Variants in IPO7 observed in about 807,000 individuals in gnomAD.
The protein encoded by IPO7 is importin-7.
A neutral mutation model predicts 136.4 loss-of-function variants in IPO7; 13 were observed. The ratio of observed to expected loss-of-function variants is 0.10; its 90% CI spans 0.06 to 0.15. The LOEUF (loss-of-function observed/expected upper bound fraction) is 0.15, where lower values mean the gene tolerates loss of function less well. Ranked by LOEUF, IPO7 falls within the 10% of genes least tolerant of loss-of-function variation. IPO7 has a pLI of 1.00. For missense variants in IPO7, 857 were observed against 1,240.6 expected, an observed-to-expected ratio of 0.69 and a Z score of 4.65; for synonymous variants, 403 against 404.4, an observed-to-expected ratio of 1.00 and a Z score of 0.04.
rs202038310 is a variant in IPO7 at position 9,438,045 on chromosome 11, GTTTTTTTTTTTT to G, written c.2490-14_2490-3del. On this transcript the variant is annotated intron_variant, in intron 21 of 24. Coordinates refer to ENST00000379719, the MANE Select transcript of IPO7 (RefSeq NM_006391.3). ...TCTGCTTATTTAAGAAAAGAAAACA[GTTTTTTTTTTTT>G]TTTTTTTTTTTTTTTTTTTTAGGCT... The G allele has an allele frequency of 4.7e-4, 517 of 1,092,198 alleles. 1 individual carries two copies. In the African/African-American group the frequency reaches 5.6e-3, roughly 12 times the overall value. The allele number at this position is 1,092,198 out of a possible 1,614,324, so 67.7% of individuals were successfully genotyped here.
At chr11:9,402,826 C>T (rs1229251781) in intron 1 of IPO7, 1 of 160,356 alleles carries the variant, frequency 6.2e-6, no homozygotes, top group Non-Finnish European at 1.3e-5. Flanking sequence ...GCACTCTCGC[C>T]TTGGGGGCGA....
At chr11:9,423,171 G>C (rs773198223) in intron 9 of IPO7, 31 bp downstream of exon 9, 1 of 1,426,618 alleles carries the variant, frequency 7.0e-7, no homozygotes, top group Non-Finnish European at 9.6e-7. Context: ...TGTTTTTATA[G>C]TAAATATAAT....
intron 24 of IPO7, among the ~76,000 whole-genome samples, chr11:9,443,987 A>G (rs1026057265): frequency 6.6e-6 from 1 of 151,472 alleles, no homozygotes; most frequent in South Asian, 2.1e-4. Context: ...TTAAAAGTAC[A>G]TTTTAAGCCA....
At chr11:9,386,295 T>TGG (rs1031395241) in intron 1 of IPO7, among the ~76,000 whole-genome samples, 29 of 152,182 alleles carry the variant, frequency 1.9e-4, no homozygotes, top group African/African-American at 6.8e-4. Flanking sequence ...AGAGTCACCT[T>TGG]GGGAGGAGCT....
intron 6 of IPO7, among the ~76,000 whole-genome samples, chr11:9,418,055 C>T (rs964369807): frequency 6.7e-6 from 1 of 150,342 alleles, no homozygotes; most frequent in African/African-American, 2.4e-5. Context: ...TTACAGATTA[C>T]TGAATACGCT....
chr11:9,428,858 A>T (rs781362168), intron 13 of IPO7, 173 bp from the exon 14 acceptor site: 2 of 794,632 alleles, frequency 2.5e-6, no homozygotes, highest in African/African-American at 3.4e-5. Context: ...CCACACAAAC[A>T]TCATGCGGCC....
chr11:9,394,239 A>G (rs910022325), intron 1 of IPO7, among the ~76,000 whole-genome samples: 5 of 152,144 alleles, frequency 3.3e-5, no homozygotes, highest in Non-Finnish European at 7.4e-5. Flanking sequence ...ATTTCTGATT[A>G]CAGTGTTAGT....
At chr11:9,402,495 G>A (rs748851539) in intron 1 of IPO7, among the ~76,000 whole-genome samples, 27 of 151,556 alleles carry the variant, frequency 1.8e-4, no homozygotes, top group African/African-American at 5.1e-4. Flanking sequence ...AGGTCGAGGC[G>A]GGTGGATCAC....
chr11:9,408,218 G>GT (rs978494458), intron 2 of IPO7, among the ~76,000 whole-genome samples: 10 of 151,706 alleles, frequency 6.6e-5, no homozygotes, highest in Admixed American at 5.9e-4. Context: ...GTGTTGTGAC[G>GT]TTAAAAAAAA....
intron 24 of IPO7, among the ~76,000 whole-genome samples, chr11:9,443,498 G>A (rs1281998434): frequency 6.6e-6 from 1 of 151,510 alleles, no homozygotes; most frequent in African/African-American, 2.4e-5. Context: ...GGCTGAGGCA[G>A]GAGAATTGCT....
intron 4 of IPO7, 75 bp from the exon 5 acceptor site, chr11:9,414,180 T>C (rs775646294): frequency 2.8e-6 from 3 of 1,073,206 alleles, no homozygotes; most frequent in Non-Finnish European, 3.9e-6. Flanking sequence ...TTTGTGTAAA[T>C]AAATGCATAG....
At chr11:9,433,544 A>T (rs771631323) in intron 16 of IPO7, 26 bp from the exon 17 acceptor site, 22 of 1,559,936 alleles carry the variant, frequency 1.4e-5, no homozygotes, top group Non-Finnish European at 1.9e-5. Context: ...CTGTAACTGC[A>T]TATGATTTTT....
chr11:9,387,922 C>T (rs992751396), intron 1 of IPO7, among the ~76,000 whole-genome samples: 15 of 150,486 alleles, frequency 1.0e-4, no homozygotes, highest in African/African-American at 3.4e-4. Context: ...CCGAGGCGGG[C>T]GGATCACCTG....
At chr11:9,444,178 A>G (rs997194901) in intron 24 of IPO7, among the ~76,000 whole-genome samples, 1 of 150,406 alleles carries the variant, frequency 6.6e-6, no homozygotes, top group African/African-American at 2.4e-5. Context: ...CTTGGGAAGC[A>G]GAGGCAGGAG....
chr11:9,414,584 C>A, intron 5 of IPO7, 173 bp downstream of exon 5: 1 of 333,924 alleles, frequency 3.0e-6, no homozygotes, highest in African/African-American at 2.2e-5. Flanking sequence ...AACAAGCATA[C>A]TTCCTCCCCA....
intron 20 of IPO7, among the ~76,000 whole-genome samples, chr11:9,436,717 C>G (rs1366245714): frequency 6.7e-6 from 1 of 148,670 alleles, no homozygotes; most frequent in Non-Finnish European, 1.5e-5. Flanking sequence ...GAGTCTTGCT[C>G]TGTTGCCCAG....
intron 1 of IPO7, among the ~76,000 whole-genome samples, chr11:9,390,573 A>C (rs1854614387): frequency 6.6e-6 from 1 of 152,136 alleles, no homozygotes; most frequent in African/African-American, 2.4e-5. Context: ...ATTTTGAAGT[A>C]CTGTTCTGAA....
At chr11:9,429,228 A>C (rs1855257717) in intron 14 of IPO7, 32 bp downstream of exon 14, 2 of 1,587,816 alleles carry the variant, frequency 1.3e-6, no homozygotes, top group Non-Finnish European at 1.7e-6. Flanking sequence ...AGAAAAGTGA[A>C]TGTTGGCCAG....
At chr11:9,395,975 A>G (rs1192779147) in intron 1 of IPO7, among the ~76,000 whole-genome samples, 3 of 151,572 alleles carry the variant, frequency 2.0e-5, no homozygotes, top group Admixed American at 1.3e-4. Context: ...CACCCGTCTC[A>G]GCCTCCCAGA....
Sources: allele counts gnomAD v4.1 joint callset (sites outside exome capture counted in the v4.1 genomes callset), GRCh38; gene constraint gnomAD v4.1.1; transcripts MANE v1.5; gene names NCBI Gene and HGNC (gene_info 2026-07-23, HGNC 2026-07-21).